GNE: variants seen among roughly 807,000 people sequenced by gnomAD.
GNE encodes glucosamine (UDP-N-acetyl)-2-epimerase/N-acetylmannosamine kinase.
Under a neutral mutation model 61.8 loss-of-function variants are expected in GNE, and 41 were observed. That is an observed-to-expected ratio of 0.66 (90% CI 0.52 to 0.86). The LOEUF (loss-of-function observed/expected upper bound fraction) is 0.86. Among genes scored for constraint, GNE ranks in the 40% least tolerant of loss-of-function variants. GNE has a pLI of 0.00. For missense variants in GNE, 608 were observed against 909.1 expected (o/e 0.67, Z 4.26); for synonymous variants, 264 against 326.4 (o/e 0.81, Z 2.06).
intron 1 of GNE, among the ~76,000 whole-genome samples, chr9:36,257,921 C>G (rs1830452524): frequency 6.6e-6 from 1 of 150,452 alleles, no homozygotes; most frequent in African/African-American, 2.5e-5. Flanking sequence ...AGGGAGGGGA[C>G]CTTTTAGCCC....
At chr9:36,228,568 G>A (rs967513835) in intron 6 of GNE, among the ~76,000 whole-genome samples, 4 of 151,920 alleles carry the variant, frequency 2.6e-5, no homozygotes, top group Non-Finnish European at 5.9e-5. Context: ...TGAGGCAGGC[G>A]GATCACCTGA....
chr9:36,233,306 G>T (rs1829251904), intron 5 of GNE, among the ~76,000 whole-genome samples: 1 of 152,184 alleles, frequency 6.6e-6, no homozygotes, highest in Non-Finnish European at 1.5e-5. Flanking sequence ...TAAAAGACTA[G>T]CATTCATATA....
At chr9:36,259,752 C>A (rs942493500), upstream of GNE, among the ~76,000 whole-genome samples, 2 of 152,192 alleles carry the variant, frequency 1.3e-5, no homozygotes, top group Admixed American at 6.5e-5. Context: ...CCTCCACCTC[C>A]CAGGTTCAAG....
At chr9:36,227,205 G>A (rs759227946) in intron 7 of GNE, 43 bp downstream of exon 7, 49 of 1,228,768 alleles carry the variant, frequency 4.0e-5, no homozygotes, top group South Asian at 3.6e-4. Context: ...AAAATCAATC[G>A]CTCATATGGG....
chr9:36,268,816 C>G (rs1231123902), intron 1 of GNE, among the ~76,000 whole-genome samples: 2 of 152,044 alleles, frequency 1.3e-5, no homozygotes, highest in Non-Finnish European at 2.9e-5. Context: ...AGGTACTGGT[C>G]CAGAACTCCT....
chr9:36,274,403 C>G (rs1012291972), intron 1 of GNE, among the ~76,000 whole-genome samples: 2 of 152,062 alleles, frequency 1.3e-5, no homozygotes, highest in Non-Finnish European at 2.9e-5. Context: ...GCTCTTACAC[C>G]TTTGTTAAAT....
chr9:36,253,765 C>T (rs965750940), intron 1 of GNE, among the ~76,000 whole-genome samples: 3 of 151,984 alleles, frequency 2.0e-5, no homozygotes, highest in African/African-American at 4.8e-5. Context: ...TGGCTGGGCA[C>T]AGTGGCTCAT....
chr9:36,230,594 C>A (rs988050039), intron 5 of GNE, among the ~76,000 whole-genome samples: 1 of 151,824 alleles, frequency 6.6e-6, no homozygotes, highest in Non-Finnish European at 1.5e-5. Flanking sequence ...GTAACTAGGA[C>A]CACAGGCGCA....
At chr9:36,263,719 C>G (rs12551624) in intron 1 of GNE, among the ~76,000 whole-genome samples, 1 of 152,122 alleles carries the variant, frequency 6.6e-6, no homozygotes, top group African/African-American at 2.4e-5. Context: ...TAATAAATAC[C>G]TAAGCAGCAC....
In GNE at chr9:36,222,998, C is replaced by T. The variant is rs1439999698; in HGVS notation, c.1412G>A (p.Gly471Asp). 6.2e-7 allele frequency: 1 copy of T among 1,612,862 alleles called. No individual in the cohort carries two copies. The highest frequency in any genetic ancestry group is 1.7e-5 in the Admixed American group (1 of 60,026). ...VKLNCRILGV[G>D]ISTGGRVNPR... ...ATTTACACGGCCACCTGTGGAAATG[C>T]CTGCGCTCCACCACAAACACAAGGA... The change falls in exon 9 of 12, where the codon GGC (glycine) becomes GAC (aspartate). Residue 471 changes from glycine (G) to aspartate (D), a missense_variant and splice_region_variant. Physicochemically the swap from Gly to Asp is moderately conservative, Grantham distance 94. Transcript: ENST00000642385.
chr9:36,214,456 GTATT>G lies in GNE; in HGVS notation c.*2905_*2908del, dbSNP rs1328341055. 1 of 152,074 alleles carries G rather than the reference GTATT, an allele frequency of 6.6e-6. No homozygotes were observed. Among genetic ancestry groups the G allele is most frequent in the Non-Finnish European group, 1.5e-5 (1 of 68,012 alleles). The allele number at this position is 152,074 out of a possible 1,614,324, so 9.4% of individuals were successfully genotyped here. ...TACAACAGGATTTCAACAAGGAAATGTATTTATTTTTTCTTTAGAATTTGGCTCA... is the reference window on the plus strand; with the variant it reads ...TACAACAGGATTTCAACAAGGAAATGTATTTTTTCTTTAGAATTTGGCTCA... On this transcript the variant is annotated 3_prime_UTR_variant, in exon 12 of 12. Transcript: ENST00000642385.
intron 1 of GNE, among the ~76,000 whole-genome samples, chr9:36,252,554 A>T (rs1438836599): frequency 6.6e-6 from 1 of 152,228 alleles, no homozygotes. Flanking sequence ...CAAGCTGGCC[A>T]TATAAATAAA....
chr9:36,257,875 A>G (rs1830449729), intron 1 of GNE, among the ~76,000 whole-genome samples: 1 of 150,868 alleles, frequency 6.6e-6, no homozygotes, highest in Admixed American at 6.6e-5. Flanking sequence ...TCTCAAATAT[A>G]CAAGGAAGCC....
intron 6 of GNE, 123 bp downstream of exon 6, chr9:36,228,898 A>C: frequency 2.6e-6 from 2 of 755,566 alleles, no homozygotes; most frequent in African/African-American, 3.4e-5. Context: ...CCCAGCAACT[A>C]GGGGCCCGTA....
At chr9:36,231,420 G>A (rs906242999) in intron 5 of GNE, among the ~76,000 whole-genome samples, 2 of 152,190 alleles carry the variant, frequency 1.3e-5, no homozygotes, top group African/African-American at 4.8e-5. Flanking sequence ...ACTCCAGCCT[G>A]AGCAACAGAA....
intron 1 of GNE, among the ~76,000 whole-genome samples, chr9:36,254,353 C>G (rs2133147150): frequency 6.6e-6 from 1 of 151,912 alleles, no homozygotes; most frequent in East Asian, 1.9e-4. Context: ...CATAGCAAGA[C>G]TCCTGTCTCT....
Position 36,222,899 on chromosome 9 carries a change from A to C in GNE, c.1511T>G (p.Leu504Arg). The change falls in exon 9 of 12, where the codon CTT (leucine) becomes CGT (arginine). Residue 504 changes from leucine (L) to arginine (R), a missense_variant. Leu to Arg is a moderately radical substitution (Grantham distance 102). Transcript: ENST00000642385. ...CACAGGGAGATGCAAAGTGTCAGAA[A>C]GGGGGGTCCTAAGGTCCACAGAGTT... is the stretch of plus-strand genomic sequence containing the variant. ...EWNSVDLRTP[L>R]SDTLHLPVWV... The C allele has an allele frequency of 6.2e-7, 1 of 1,614,158 alleles. No homozygotes were observed. Among genetic ancestry groups the C allele is most frequent in the Non-Finnish European group, 8.5e-7 (1 of 1,180,024 alleles).
chr9:36,267,146 T>C (rs962791301), intron 1 of GNE, among the ~76,000 whole-genome samples: 1 of 152,224 alleles, frequency 6.6e-6, no homozygotes, highest in Non-Finnish European at 1.5e-5. Flanking sequence ...GAGCATAACA[T>C]TGAAAGATAC....
chr9:36,230,604 A>G (rs1829098475), intron 5 of GNE, among the ~76,000 whole-genome samples: 1 of 151,190 alleles, frequency 6.6e-6, no homozygotes, highest in Admixed American at 6.6e-5. Flanking sequence ...CCACAGGCGC[A>G]TGCTACCAGG....
Sources: gnomAD v4.1 joint callset for allele counts (sites outside exome capture counted in the v4.1 genomes callset) on GRCh38, gnomAD v4.1.1 for gene constraint, MANE v1.5 for transcripts, NCBI Gene and HGNC (gene_info 2026-07-23, HGNC 2026-07-21) for gene names.